PTPRD: variants seen among roughly 807,000 people sequenced by gnomAD.
PTPRD encodes receptor-type tyrosine-protein phosphatase delta.
Under a neutral mutation model 214.5 loss-of-function variants are expected in PTPRD, and 34 were observed. The observed-to-expected ratio is 0.16, with a 90% CI of 0.12 to 0.21. The LOEUF is 0.21. Ranked by LOEUF, PTPRD falls within the 10% of genes least tolerant of loss-of-function variation. The pLI, the probability that PTPRD is intolerant of heterozygous loss-of-function variation, is 1.00. For missense variants in PTPRD, 2,545 were observed against 2,398.7 expected, an observed-to-expected ratio of 1.06 and a Z score of -1.27; for synonymous variants, 1,128 against 845.7, an observed-to-expected ratio of 1.33 and a Z score of -5.79.
At chr9:8,393,396 ACTAGAATAACAGTGCT>A (rs2090203232) in intron 36 of PTPRD, among the ~76,000 whole-genome samples, 2 of 152,164 alleles carry the variant, frequency 1.3e-5, no homozygotes, top group Admixed American at 1.3e-4. Context: ...TTCCTCCAAT[ACTAGAATAACAGTGCT>A]TGATTTGTTT....
At chr9:9,800,320 C>A (rs2099030860) in intron 5 of PTPRD, among the ~76,000 whole-genome samples, 1 of 152,046 alleles carries the variant, frequency 6.6e-6, no homozygotes, top group Admixed American at 6.5e-5. Context: ...GGGGACAGAG[C>A]AAGATCTTGT....
At chr9:9,474,709 A>T (rs2094893944) in intron 8 of PTPRD, among the ~76,000 whole-genome samples, 1 of 151,896 alleles carries the variant, frequency 6.6e-6, no homozygotes, top group Non-Finnish European at 1.5e-5. Context: ...TATAAATGAG[A>T]TTACTATCTT....
intron 4 of PTPRD, among the ~76,000 whole-genome samples, chr9:9,950,259 G>C (rs77451642): frequency 6.6e-6 from 1 of 152,102 alleles, no homozygotes; most frequent in African/African-American, 2.4e-5. Flanking sequence ...ATCCAGATGG[G>C]GATGCTGTGA....
chr9:9,591,706 T>C (rs1469686339), intron 7 of PTPRD, among the ~76,000 whole-genome samples: 1 of 152,106 alleles, frequency 6.6e-6, no homozygotes, highest in African/African-American at 2.4e-5. Flanking sequence ...TAAGTGTGTA[T>C]ATTTGTGTGG....
intron 9 of PTPRD, among the ~76,000 whole-genome samples, chr9:9,311,072 C>G (rs150031661): frequency 1.7e-3 from 260 of 152,084 alleles, no homozygotes; most frequent in African/African-American, 5.9e-3. Context: ...TCAAACCCTT[C>G]TCTGAGTCCA....
At chr9:10,172,673 G>A (rs2099217461) in intron 3 of PTPRD, among the ~76,000 whole-genome samples, 1 of 152,158 alleles carries the variant, frequency 6.6e-6, no homozygotes, top group Non-Finnish European at 1.5e-5. Flanking sequence ...GCACAAAGTG[G>A]CTATGACAGA....
At position 9,961,373 on chromosome 9, in the gene PTPRD, TAATA is replaced by T. The variant is rs2094353066; in HGVS notation, c.-471-22767_-471-22764del. Among the ~76,000 whole-genome samples, 9 of 152,272 alleles carry T rather than the reference TAATA, an allele frequency of 5.9e-5. No individual in the cohort carries two copies. The South Asian group carries it at 1.9e-3, about 32-fold the overall frequency. ...ATGTATTTGCTGAAACAGTGGTTTT[TAATA>T]AATAAGTGAAATTGAGAACAAACAA... On this transcript the variant is annotated intron_variant, in intron 4 of 45. Transcript: ENST00000381196.
intron 5 of PTPRD, among the ~76,000 whole-genome samples, chr9:9,845,006 G>C (rs1276615681): frequency 6.8e-6 from 1 of 146,710 alleles, no homozygotes; most frequent in Non-Finnish European, 1.5e-5. Context: ...ATAAACCACT[G>C]AAATACTGTA....
rs140296590 is a variant in PTPRD, at chr9:10,240,171, C to T, written c.-545+100792G>A. Among the ~76,000 whole-genome samples the T allele has an allele frequency of 4.3e-3, 659 of 152,054 alleles. 1 individual carries two copies. Among genetic ancestry groups the T allele is most frequent in the Non-Finnish European group, 7.3e-3 (493 of 67,938 alleles). Reference sequence around the variant, plus strand: ...GTTCATATAACCTAAATAAAATATACTTCATATAACCTAAATAAAAATATA... The same window carrying T: ...GTTCATATAACCTAAATAAAATATATTTCATATAACCTAAATAAAAATATA... On this transcript the variant is annotated intron_variant, in intron 3 of 45. Transcript: ENST00000381196.
chr9:9,398,049 T>A (rs2068582370), intron 8 of PTPRD, among the ~76,000 whole-genome samples: 1 of 151,886 alleles, frequency 6.6e-6, no homozygotes, highest in Non-Finnish European at 1.5e-5. Context: ...TCTCCCACTA[T>A]TTTCCCTTGT....
rs749720346 is a variant in PTPRD, at chr9:8,783,805, G to C, written c.-103-49859C>G. Among the ~76,000 whole-genome samples, 6 of 152,260 alleles carry C rather than the reference G, an allele frequency of 3.9e-5. No individual in the cohort carries two copies. In the East Asian group the frequency reaches 9.7e-4, roughly 25 times the overall value. On this transcript the variant is annotated intron_variant, in intron 11 of 45. Transcript: ENST00000381196. The stretch of plus-strand genomic sequence containing the variant: ...TTATTCCTTTACAAATTCCCAGATA[G>C]AGCAGGAGGGCAGGTAAAGAAGACA...
chr9:8,685,917 A>G (rs1296802660), intron 12 of PTPRD, among the ~76,000 whole-genome samples: 1 of 152,224 alleles, frequency 6.6e-6, no homozygotes, highest in Non-Finnish European at 1.5e-5. Context: ...CTCAAGCCAG[A>G]TTGGACAGTT....
At chr9:9,447,692 G>A (rs1054337935) in intron 8 of PTPRD, among the ~76,000 whole-genome samples, 2 of 151,956 alleles carry the variant, frequency 1.3e-5, no homozygotes, top group African/African-American at 4.8e-5. Flanking sequence ...AGTTCTCAAG[G>A]GACTTCTACA....
chr9:9,581,802 G>C (rs574709624), intron 7 of PTPRD, among the ~76,000 whole-genome samples: 1 of 152,012 alleles, frequency 6.6e-6, no homozygotes, highest in Non-Finnish European at 1.5e-5. Flanking sequence ...AATAATGTAT[G>C]TAAATCTATT....
intron 8 of PTPRD, among the ~76,000 whole-genome samples, chr9:9,488,626 G>A (rs12339036): frequency 0.11 from 17,019 of 152,186 alleles, 1,042 homozygotes; most frequent in African/African-American, 0.14. Flanking sequence ...TCTAGGAAGT[G>A]GAAAACACAA....
chr9:10,372,970 T>G (rs2154478741), intron 2 of PTPRD, among the ~76,000 whole-genome samples: 1 of 151,196 alleles, frequency 6.6e-6, no homozygotes, highest in South Asian at 2.1e-4. Flanking sequence ...GTAGCTTGGG[T>G]TATAGTCACC....
chr9:9,098,258 GATTT>G (rs1569540747), intron 10 of PTPRD, among the ~76,000 whole-genome samples: 1 of 151,886 alleles, frequency 6.6e-6, no homozygotes, highest in Admixed American at 6.6e-5. Context: ...TCCATAAATA[GATTT>G]ATTATTTTCA....
At chr9:8,930,026 A>T (rs912160810) in intron 11 of PTPRD, among the ~76,000 whole-genome samples, 19 of 151,750 alleles carry the variant, frequency 1.3e-4, no homozygotes, top group African/African-American at 4.4e-4. Flanking sequence ...TTTGTTACAT[A>T]TGTATACATG....
chr9:10,402,502 A>G (rs2098285681), intron 2 of PTPRD, among the ~76,000 whole-genome samples: 1 of 151,880 alleles, frequency 6.6e-6, no homozygotes, highest in East Asian at 1.9e-4. Context: ...TTCATTTAGT[A>G]TCTGAAGATT....
Sources: gnomAD v4.1 joint callset for allele counts (sites outside exome capture counted in the v4.1 genomes callset) on GRCh38, gnomAD v4.1.1 for gene constraint, MANE v1.5 for transcripts, NCBI Gene and HGNC (gene_info 2026-07-23, HGNC 2026-07-21) for gene names.